UCHL3: variants seen among roughly 807,000 people sequenced by gnomAD.
UCHL3 encodes ubiquitin carboxyl-terminal hydrolase isozyme L3.
Under a neutral mutation model 35.8 loss-of-function variants are expected in UCHL3, and 22 were observed. The observed-to-expected ratio is 0.61, with a 90% CI of 0.44 to 0.88. The LOEUF (loss-of-function observed/expected upper bound fraction) is 0.88. Among genes scored for constraint, UCHL3 ranks in the 40% least tolerant of loss-of-function variants. The pLI, the probability that UCHL3 is intolerant of heterozygous loss-of-function variation, is 0.00. For synonymous variants in UCHL3, 90 were observed against 92.8 expected (o/e 0.97, Z 0.17); for missense variants, 229 against 276.9 (o/e 0.83, Z 1.23).
intron 6 of UCHL3, among the ~76,000 whole-genome samples, chr13:75,575,524 GAT>G (rs992440846): frequency 3.3e-5 from 5 of 152,204 alleles, no homozygotes; most frequent in African/African-American, 1.2e-4. Flanking sequence ...ACAGAAGTTT[GAT>G]ATGTGTCATT....
chr13:75,579,124 C>G (rs2032108322), intron 6 of UCHL3, among the ~76,000 whole-genome samples: 1 of 152,070 alleles, frequency 6.6e-6, no homozygotes, highest in African/African-American at 2.4e-5. Flanking sequence ...TTGAGGTGCT[C>G]ACATATTTAT....
At chr13:75,584,066 T>G (rs2032257874) in intron 6 of UCHL3, among the ~76,000 whole-genome samples, 1 of 152,096 alleles carries the variant, frequency 6.6e-6, no homozygotes, top group East Asian at 1.9e-4. Context: ...GAACAAAGCC[T>G]AAAGACCTTG....
Position 75,605,736 on chromosome 13 carries a change from T to A in UCHL3, c.617T>A (p.Ile206Lys). 1.2e-6 allele frequency: 2 copies of A among 1,613,772 alleles called. No homozygotes were observed. Among genetic ancestry groups the A allele is most frequent in the African/African-American group, 2.7e-5 (2 of 75,002 alleles). The change falls in exon 9 of 9, where the codon ATA becomes AAA. Residue 206 changes from isoleucine (I) to lysine (K), a missense_variant. By Grantham distance (102) the Ile-to-Lys change is moderately radical (BLOSUM62 -3). Coordinates refer to ENST00000377595, the MANE Select transcript of UCHL3 (RefSeq NM_006002.5). ...TSDETLLEDA[I>K]EVCKKFMERD... ...TTTTTTTTTCCTCCATAGGATGCCA[T>A]AGAAGTTTGCAAGAAGTTTATGGAG...
chr13:75,566,069 G>A (rs1231753409), intron 3 of UCHL3, among the ~76,000 whole-genome samples: 1 of 152,060 alleles, frequency 6.6e-6, no homozygotes, highest in Non-Finnish European at 1.5e-5. Flanking sequence ...AAATATTTTT[G>A]CCAATGATAA....
Position 75,604,988 on chromosome 13 carries a change from T to C in UCHL3, c.609+161T>C, listed in dbSNP as rs2138597902. On this transcript the variant is annotated intron_variant, in intron 8 of 8. Coordinates refer to ENST00000377595, the MANE Select transcript of UCHL3 (RefSeq NM_006002.5). ...AAAATTTATATTAGTGTTAAAAATC[T>C]ACAACAAATAAAGAGGTTTTCACAG... 4 of 500,952 alleles carry C rather than the reference T, an allele frequency of 8.0e-6. No homozygotes were observed. In the East Asian group the frequency reaches 1.4e-4, roughly 18 times the overall value. 31.0% of individuals were successfully genotyped at this position (500,952 alleles called of 1,614,324 possible). A position where few individuals can be genotyped will look rare whatever the true frequency, so the allele number is the denominator to read the frequency against.
At chr13:75,590,102 T>G in intron 6 of UCHL3, 1 of 1,304,034 alleles carries the variant, frequency 7.7e-7, no homozygotes, top group Non-Finnish European at 1.0e-6. Context: ...CCTTCTTACG[T>G]CTACCATCTT....
rs538472574 is a variant in UCHL3, at chr13:75,553,155, A to G, written c.54+3168A>G. 2.6e-5 allele frequency among the ~76,000 whole-genome samples: 4 copies of G among 152,298 alleles called. No individual in the cohort carries two copies. The South Asian group carries it at 6.2e-4, about 24-fold the overall frequency. The stretch of plus-strand genomic sequence containing the variant: ...ATATAAATTCTCATAAGAATTCTCT[A>G]ATTAGTAGATACCATTTTAGGAAAA... On this transcript the variant is annotated intron_variant, in intron 2 of 8. Transcript: ENST00000377595.
At chr13:75,578,692 A>G (rs1417351648) in intron 6 of UCHL3, among the ~76,000 whole-genome samples, 5 of 152,264 alleles carry the variant, frequency 3.3e-5, no homozygotes, top group Admixed American at 3.3e-4. Context: ...GTTAATTTAA[A>G]TCATAAAATA....
intron 6 of UCHL3, among the ~76,000 whole-genome samples, chr13:75,580,636 AG>A (rs1185592018): frequency 6.6e-6 from 1 of 152,158 alleles, no homozygotes; most frequent in East Asian, 1.9e-4. Flanking sequence ...TCCTTTTGAA[AG>A]TATGTCTACC....
chr13:75,567,353 G>A, intron 5 of UCHL3, 41 bp downstream of exon 5: 1 of 1,569,748 alleles, frequency 6.4e-7, no homozygotes, highest in Non-Finnish European at 8.8e-7. Flanking sequence ...GTGGGCAAAA[G>A]TTTGTGGGAT....
intron 6 of UCHL3, among the ~76,000 whole-genome samples, chr13:75,577,558 A>G (rs902248776): frequency 2.0e-5 from 3 of 152,202 alleles, no homozygotes; most frequent in Non-Finnish European, 4.4e-5. Flanking sequence ...ATTCACTCCA[A>G]CTGAGACCTT....
intron 6 of UCHL3, among the ~76,000 whole-genome samples, chr13:75,570,891 G>A (rs2031833639): frequency 6.6e-6 from 1 of 152,110 alleles, no homozygotes; most frequent in Non-Finnish European, 1.5e-5. Flanking sequence ...CAGCATGGGG[G>A]ACAGAGCAGG....
At position 75,554,512 on chromosome 13, in the gene UCHL3, CGGCTATTCCAAATAT is replaced by C. The variant is rs1271146079; in HGVS notation, c.54+4536_54+4550del. Among the ~76,000 whole-genome samples the C allele has an allele frequency of 6.6e-5, 10 of 152,288 alleles. 1 individual carries two copies. The East Asian group carries it at 1.9e-3, about 29-fold the overall frequency. ...CTTCTTGCAAAGGCTATTCCAAATA[CGGCTATTCCAAATAT>C]GGCTATTCCATTTCAGCTGCCACAG... On this transcript the variant is annotated intron_variant, in intron 2 of 8. Transcript: ENST00000377595.
chr13:75,559,921 CTA>C (rs138672487), intron 2 of UCHL3, among the ~76,000 whole-genome samples: 166 of 152,038 alleles, frequency 1.1e-3, no homozygotes, highest in African/African-American at 3.7e-3. Context: ...CATTTTTTCT[CTA>C]TGTGATAGAT....
chr13:75,605,932 A>C lies in UCHL3; in HGVS notation c.*120A>C. The C allele has an allele frequency of 1.0e-6, 1 of 971,484 alleles. No individual in the cohort carries two copies. The allele number at this position is 971,484 out of a possible 1,614,324, so 60.2% of individuals were successfully genotyped here. On this transcript the variant is annotated 3_prime_UTR_variant, in exon 9 of 9. Transcript: ENST00000377595. ...TGATGATTAAACTTTATGTGAGTTAAACTTTGCCTTAACCTGTGTTTTATG... is the reference window on the plus strand; with the variant it reads ...TGATGATTAAACTTTATGTGAGTTACACTTTGCCTTAACCTGTGTTTTATG...
chr13:75,559,140 T>C (rs1003784260), intron 2 of UCHL3, among the ~76,000 whole-genome samples: 5 of 146,134 alleles, frequency 3.4e-5, no homozygotes, highest in Admixed American at 1.4e-4. Flanking sequence ...CCCGGGTTCA[T>C]GCCATTCTCC....
Position 75,566,727 on chromosome 13 carries a change from A to T in UCHL3, c.216A>T (p.Lys72Asn), listed in dbSNP as rs376728987. ...YEVFRTEEEE[K>N]IKSQGQDVTS... is the part of the protein sequence containing the mutation. ...TATTCAGAACAGAAGAGGAAGAAAA[A>T]ATAAAATCTCAGGGACAAGATGTTA... The change falls in exon 4 of 9, where the codon AAA becomes AAT. Residue 72 changes from lysine (K) to asparagine (N), a missense_variant. Coordinates refer to ENST00000377595, the MANE Select transcript of UCHL3 (RefSeq NM_006002.5). 8.1e-6 allele frequency: 13 copies of T among 1,600,466 alleles called. No individual in the cohort carries two copies. The highest frequency in any genetic ancestry group is 1.1e-5 in the Non-Finnish European group (13 of 1,174,072).
chr13:75,553,378 C>T (rs1215658941), intron 2 of UCHL3, among the ~76,000 whole-genome samples: 1 of 152,160 alleles, frequency 6.6e-6, no homozygotes, highest in Non-Finnish European at 1.5e-5. Context: ...TAATGATTGC[C>T]ACTTTGCCAG....
intron 3 of UCHL3, among the ~76,000 whole-genome samples, chr13:75,563,239 G>A (rs966798039): frequency 6.6e-6 from 1 of 152,116 alleles, no homozygotes; most frequent in Non-Finnish European, 1.5e-5. Flanking sequence ...GCAGTGGTGC[G>A]ATCTCAGTTC....
Sources: allele counts gnomAD v4.1 joint callset (sites outside exome capture counted in the v4.1 genomes callset), GRCh38; gene constraint gnomAD v4.1.1; transcripts MANE v1.5; gene names NCBI Gene and HGNC (gene_info 2026-07-23, HGNC 2026-07-21).